The following RIMBP2 variants were observed in gnomAD, a reference collection of about 807,000 sequenced individuals.
RIMBP2 encodes the protein RIMS-binding protein 2.
A neutral mutation model predicts 118.6 loss-of-function variants in RIMBP2; 48 were observed. The observed-to-expected ratio is 0.40, with a 90% CI of 0.32 to 0.51. The LOEUF (loss-of-function observed/expected upper bound fraction) is 0.51. Among genes scored for constraint, RIMBP2 ranks in the 20% least tolerant of loss-of-function variants. The pLI is 0.41. For synonymous variants in RIMBP2, 762 were observed against 742.9 expected (o/e 1.03, Z -0.42); for missense variants, 1,551 against 1,768.3 (o/e 0.88, Z 2.20).
In RIMBP2 at chr12:130,437,148, G is replaced by A. The variant is rs778976176; in HGVS notation, c.1800C>T (p.Pro600=). The A allele has an allele frequency of 5.0e-6, 8 of 1,584,910 alleles. No individual in the cohort carries two copies. The highest frequency in any genetic ancestry group is 1.7e-4 in the Middle Eastern group (1 of 5,978). Residue 600 remains proline, a synonymous_variant, in exon 13 of 23, where the codon CCC becomes CCT. Coordinates refer to ENST00000690449, the MANE Select transcript of RIMBP2 (RefSeq NM_001393629.1). ...SVDSAVAAVP[P]ELLVPPTPHP... is the part of the protein sequence containing the mutation. ...GGGGGGTAGGAGGCACCAGGAGCTC[G>A]GGGGGAACGGCAGCAACTGCAGAGT...
chr12:130,641,184 G>A (rs1392020872), intron 1 of RIMBP2, among the ~76,000 whole-genome samples: 1 of 152,152 alleles, frequency 6.6e-6, no homozygotes, highest in Non-Finnish European at 1.5e-5. Context: ...AGGGTCAGAT[G>A]GTCCCAAGTC....
intron 2 of RIMBP2, among the ~76,000 whole-genome samples, chr12:130,550,257 A>G (rs2055620138): frequency 6.6e-6 from 1 of 152,236 alleles, no homozygotes. Flanking sequence ...TCTGTCTCAG[A>G]CTAAAGGGGA....
chr12:130,642,529 C>T (rs2062670205), intron 1 of RIMBP2, among the ~76,000 whole-genome samples: 1 of 152,200 alleles, frequency 6.6e-6, no homozygotes. Context: ...AGGTGATCTG[C>T]CCGCTTTGGC....
chr12:130,707,432 G>A (rs1461939579), intron 1 of RIMBP2, among the ~76,000 whole-genome samples: 2 of 152,154 alleles, frequency 1.3e-5, no homozygotes, highest in Admixed American at 1.3e-4. Context: ...CTGCTGTCAT[G>A]GCAGGCAGTC....
chr12:130,686,461 G>A (rs1338124164), intron 1 of RIMBP2, among the ~76,000 whole-genome samples: 1 of 152,230 alleles, frequency 6.6e-6, no homozygotes, highest in Non-Finnish European at 1.5e-5. Context: ...CCCACACGAG[G>A]CATTCTTACA....
At position 130,698,016 on chromosome 12, in the gene RIMBP2, C is replaced by T. The variant is rs536876704; in HGVS notation, c.-352+18206G>A. On this transcript the variant is annotated intron_variant, in intron 1 of 22. Transcript: ENST00000690449. The stretch of plus-strand genomic sequence containing the variant: ...TGAGCCGTCTTCAACAGCTAACTTG[C>T]GGTCACGGGCGTGGAGAGGGACAGC... Among the ~76,000 whole-genome samples, 8 of 152,178 alleles carry T rather than the reference C, an allele frequency of 5.3e-5. No homozygotes were observed. The South Asian group carries it at 8.3e-4, about 16-fold the overall frequency.
chr12:130,422,728 C>T lies in RIMBP2; in HGVS notation c.3130-167G>A, dbSNP rs2076496237. Among the ~76,000 whole-genome samples, 1 of 152,230 alleles carries T rather than the reference C, an allele frequency of 6.6e-6. No homozygotes were observed. Among genetic ancestry groups the T allele is most frequent in the African/African-American group, 2.4e-5 (1 of 41,456 alleles). On this transcript the variant is annotated intron_variant, in intron 16 of 22. Transcript: ENST00000690449. This position sits in a 1 kb window ranked among gnomAD's most constrained non-coding sequence, Gnocchi z 5.2. The stretch of plus-strand genomic sequence containing the variant: ...GCCTGGGAGAGAACAAAGCCGGGCA[C>T]CAGCACCCCACTGTCTACTCGGAGC...
intron 17 of RIMBP2, among the ~76,000 whole-genome samples, chr12:130,421,565 G>A (rs1262035581): frequency 6.6e-6 from 1 of 152,194 alleles, no homozygotes; most frequent in African/African-American, 2.4e-5. Context: ...ATTTCAACGA[G>A]ATTCCAGGTG....
intron 1 of RIMBP2, among the ~76,000 whole-genome samples, chr12:130,642,293 T>TG (rs1456076480): frequency 3.2e-5 from 1 of 31,296 alleles, no homozygotes; most frequent in Non-Finnish European, 1.9e-4. Flanking sequence ...TTTTGTTTTG[T>TG]GTTTTTTTGA....
At chr12:130,435,278 A>G (rs2085845999) in intron 13 of RIMBP2, among the ~76,000 whole-genome samples, 1 of 152,126 alleles carries the variant, frequency 6.6e-6, no homozygotes, top group Non-Finnish European at 1.5e-5. Flanking sequence ...TCCTGAGCTC[A>G]GGTGATCTGC....
At chr12:130,668,689 C>T (rs76495486) in intron 1 of RIMBP2, 2,631 of 152,494 alleles carry the variant, frequency 0.017, 72 homozygotes, top group African/African-American at 0.06. Context: ...CTGCTTGAGC[C>T]GGTGGCTCCC....
chr12:130,424,960 G>T lies in RIMBP2; in HGVS notation c.2413-102C>A. 2 of 621,602 alleles carry T rather than the reference G, an allele frequency of 3.2e-6. No individual in the cohort carries two copies. The highest frequency in any genetic ancestry group is 4.6e-6 in the Non-Finnish European group (2 of 431,510). 38.5% of individuals were successfully genotyped at this position (621,602 alleles called of 1,614,324 possible). A position where few individuals can be genotyped will look rare whatever the true frequency, so the allele number is the denominator to read the frequency against. On this transcript the variant is annotated intron_variant, in intron 15 of 22. Coordinates refer to ENST00000690449, the MANE Select transcript of RIMBP2 (RefSeq NM_001393629.1). The surrounding 1 kb of genome is among the most constrained non-coding windows in gnomAD (Gnocchi z 9.8). The stretch of plus-strand genomic sequence containing the variant: ...GAAAATACAGACAGAATTAGTCCTG[G>T]AGGCACCGAGGGGGGGGAAGCATGC...
intron 1 of RIMBP2, among the ~76,000 whole-genome samples, chr12:130,704,508 G>A (rs930394912): frequency 2.0e-5 from 3 of 152,158 alleles, no homozygotes; most frequent in African/African-American, 7.2e-5. Flanking sequence ...CCGGGAGGCA[G>A]AGGTTGCAGT....
intron 1 of RIMBP2, among the ~76,000 whole-genome samples, chr12:130,692,206 G>A (rs902938772): frequency 3.3e-5 from 5 of 152,090 alleles, no homozygotes; most frequent in African/African-American, 1.2e-4. Flanking sequence ...GACAGAAGTG[G>A]GACAGAAGGA....
At chr12:130,432,277 C>G in intron 14 of RIMBP2, 1 of 456,580 alleles carries the variant, frequency 2.2e-6, no homozygotes, top group Non-Finnish European at 4.4e-6. Flanking sequence ...AGACCATCTG[C>G]GTAATCATGG....
chr12:130,475,105 C>T lies in RIMBP2; in HGVS notation c.102+3807G>A, dbSNP rs961291499. Among the ~76,000 whole-genome samples, 3 of 152,158 alleles carry T rather than the reference C, an allele frequency of 2.0e-5. No homozygotes were observed. Among genetic ancestry groups the T allele is most frequent in the East Asian group, 1.9e-4 (1 of 5,190 alleles). On this transcript the variant is annotated intron_variant, in intron 5 of 22. Coordinates refer to ENST00000690449, the MANE Select transcript of RIMBP2 (RefSeq NM_001393629.1). The surrounding 1 kb of genome is among the most constrained non-coding windows in gnomAD (Gnocchi z 4.1). ...TGTGTCTCTGCTCAGGTCCCAGAGACGAGGGCTGCAGCATGAGCTCATTGT... is the reference window on the plus strand; with the variant it reads ...TGTGTCTCTGCTCAGGTCCCAGAGATGAGGGCTGCAGCATGAGCTCATTGT...
At chr12:130,542,708 C>T (rs1484215015) in intron 2 of RIMBP2, among the ~76,000 whole-genome samples, 1 of 152,226 alleles carries the variant, frequency 6.6e-6, no homozygotes, top group African/African-American at 2.4e-5. Flanking sequence ...TCATCAGTGT[C>T]CTTGTGACTC....
In RIMBP2 at chr12:130,601,692, G is replaced by A. The variant is rs541027715; in HGVS notation, c.-217+26630C>T. The stretch of plus-strand genomic sequence containing the variant: ...AGGTTCTTTGTGCATATGTAACTAG[G>A]AAGAGAGTTATTGATCTACTTCTTC... On this transcript the variant is annotated intron_variant, in intron 2 of 22. Transcript: ENST00000690449. 1.4e-4 allele frequency among the ~76,000 whole-genome samples: 21 copies of A among 152,256 alleles called. 1 individual carries two copies. The South Asian group carries it at 4.4e-3, about 32-fold the overall frequency.
At chr12:130,462,843 T>C (rs1210395755) in intron 6 of RIMBP2, among the ~76,000 whole-genome samples, 1 of 152,366 alleles carries the variant, frequency 6.6e-6, no homozygotes, top group East Asian at 1.9e-4. Context: ...AATGCTTGTC[T>C]GATGGGAGAA....
Sources: allele counts gnomAD v4.1 joint callset (sites outside exome capture counted in the v4.1 genomes callset), GRCh38; gene constraint gnomAD v4.1.1; non-coding constraint Gnocchi (gnomAD v3.1); transcripts MANE v1.5; gene names NCBI Gene and HGNC (gene_info 2026-07-23, HGNC 2026-07-21).